Variants in PKHD1 observed in about 807,000 individuals in gnomAD.
PKHD1 encodes the protein fibrocystin.
In PKHD1, 291 loss-of-function variants were observed where a neutral mutation model predicts 412.0. The ratio of observed to expected loss-of-function variants is 0.71; its 90% CI spans 0.64 to 0.78. The LOEUF (loss-of-function observed/expected upper bound fraction) is 0.78. Among genes scored for constraint, PKHD1 ranks in the 30% least tolerant of loss-of-function variants. The probability of loss-of-function intolerance (pLI) is 0.00; values close to 1 mark genes in which losing one functional copy is unlikely to be tolerated. For missense variants in PKHD1, 4,825 were observed against 4,950.7 expected (o/e 0.97, Z 0.76); for synonymous variants, 1,777 against 1,821.5 (o/e 0.98, Z 0.62).
chr6:51,815,244 TAAAA>T (rs1765264366), intron 52 of PKHD1, among the ~76,000 whole-genome samples: 1 of 152,168 alleles, frequency 6.6e-6, no homozygotes, highest in African/African-American at 2.4e-5. Context: ...ATTAGAGATA[TAAAA>T]AGTCAAATAA....
chr6:51,642,009 T>C (rs1450916104), intron 63 of PKHD1, among the ~76,000 whole-genome samples: 1 of 152,080 alleles, frequency 6.6e-6, no homozygotes, highest in Non-Finnish European at 1.5e-5. Context: ...CAAACCTGCA[T>C]GTTCTGCACA....
At chr6:51,717,413 A>G (rs77806792) in intron 60 of PKHD1, among the ~76,000 whole-genome samples, 1 of 82,332 alleles carries the variant, frequency 1.2e-5, no homozygotes, top group Non-Finnish European at 2.2e-5. Context: ...ACTCTGTCTC[A>G]AAAAAAAAAA....
chr6:51,822,979 C>G (rs1766695482), intron 52 of PKHD1, among the ~76,000 whole-genome samples: 1 of 151,694 alleles, frequency 6.6e-6, no homozygotes, highest in African/African-American at 2.4e-5. Flanking sequence ...TTGTTAAGGT[C>G]AAAGTATACT....
chr6:51,769,483 A>C (rs529418684), intron 55 of PKHD1, among the ~76,000 whole-genome samples: 2 of 151,532 alleles, frequency 1.3e-5, no homozygotes, highest in African/African-American at 4.8e-5. Flanking sequence ...ACTATTCTGT[A>C]CTTACATTTG....
In PKHD1 at chr6:52,026,035, C is replaced by T. The variant is rs894304918; in HGVS notation, c.3775G>A (p.Asp1259Asn). ...CETLPAPQIP[D>N]AGAPTVPAAV... ...GCTGGAACAGTGGGAGCGCCCGCAT[C>T]GGGTATCTGGGGGGCTGGCAGGGTT... Residue 1259 changes from aspartate (D) to asparagine (N), a missense_variant, in exon 32 of 67, where the codon GAT becomes AAT. Asp to Asn is a conservative substitution (Grantham distance 23). Coordinates refer to ENST00000371117, the MANE Select transcript of PKHD1 (RefSeq NM_138694.4). 6.8e-6 allele frequency: 11 copies of T among 1,613,972 alleles called. No homozygotes were observed. Among genetic ancestry groups the T allele is most frequent in the African/African-American group, 5.3e-5 (4 of 74,896 alleles).
In PKHD1 at chr6:51,994,095, G is replaced by T. The variant is rs113110947; in HGVS notation, c.5751+16214C>A. Among the ~76,000 whole-genome samples, 698 of 152,082 alleles carry T rather than the reference G, an allele frequency of 4.6e-3. 6 individuals carry two copies. The highest frequency in any genetic ancestry group is 0.016 in the African/African-American group (660 of 41,508). On this transcript the variant is annotated intron_variant, in intron 35 of 66. Transcript: ENST00000371117. ...GGACATCGATAGAATCGAGTCTGCA[G>T]CATTCACCAAACTTACTTCACTACA...
intron 53 of PKHD1, among the ~76,000 whole-genome samples, chr6:51,783,117 T>C (rs543534681): frequency 2.0e-5 from 3 of 152,028 alleles, no homozygotes; most frequent in South Asian, 2.1e-4. Context: ...TGAAAAACAA[T>C]ATGTGACAAG....
chr6:51,809,857 G>A (rs1377793081), intron 52 of PKHD1, among the ~76,000 whole-genome samples: 1 of 144,940 alleles, frequency 6.9e-6, no homozygotes, highest in Admixed American at 6.9e-5. Context: ...TAAATATCTT[G>A]TATTTTTTTT....
intron 53 of PKHD1, among the ~76,000 whole-genome samples, chr6:51,784,940 T>C (rs775891927): frequency 6.6e-5 from 10 of 152,182 alleles, no homozygotes; most frequent in Non-Finnish European, 7.3e-5. Context: ...AACCTGGACC[T>C]CTCATTAATT....
chr6:51,924,077 A>G (rs1185522241), intron 37 of PKHD1, among the ~76,000 whole-genome samples: 1 of 152,218 alleles, frequency 6.6e-6, no homozygotes, highest in Non-Finnish European at 1.5e-5. Flanking sequence ...GCCAGGATCT[A>G]GGTAAAATCC....
At chr6:51,642,092 C>T (rs1769442003) in intron 63 of PKHD1, among the ~76,000 whole-genome samples, 1 of 152,014 alleles carries the variant, frequency 6.6e-6, no homozygotes, top group Admixed American at 6.6e-5. Flanking sequence ...TGGTTTCATG[C>T]CTCATTCACT....
intron 54 of PKHD1, 37 bp downstream of exon 54, chr6:51,775,771 C>T (rs1790917258): frequency 1.1e-6 from 1 of 935,476 alleles, no homozygotes; most frequent in Non-Finnish European, 1.8e-6. Flanking sequence ...CACACACATG[C>T]ATTTTATTTT....
chr6:52,055,836 C>A (rs1807645247), intron 18 of PKHD1, 107 bp from the exon 19 acceptor site: 9 of 1,227,976 alleles, frequency 7.3e-6, no homozygotes, highest in Non-Finnish European at 1.0e-5. Context: ...TTAAGAAAAC[C>A]CCCGTTCTAA....
chr6:52,015,179 C>CATCCTAATTTTTAAAGGTGACTTAGT (rs1419662032), intron 34 of PKHD1, among the ~76,000 whole-genome samples: 3 of 152,312 alleles, frequency 2.0e-5, no homozygotes, highest in Admixed American at 2.0e-4. Flanking sequence ...AAATATTCTA[C>CATCCTAATTTTTAAAGGTGACTTAGT]ATCCTAATTT....
At chr6:51,975,378 T>C (rs1794235855) in intron 35 of PKHD1, among the ~76,000 whole-genome samples, 1 of 151,820 alleles carries the variant, frequency 6.6e-6, no homozygotes, top group Admixed American at 6.6e-5. Flanking sequence ...GGAGAAAATA[T>C]TTGCAAATTA....
intron 52 of PKHD1, among the ~76,000 whole-genome samples, chr6:51,797,742 G>A: frequency 6.6e-6 from 1 of 152,060 alleles, no homozygotes; most frequent in East Asian, 1.9e-4. Flanking sequence ...GATGGGTCTT[G>A]GTTCTTTATC....
At chr6:52,008,059 C>T (rs937921099) in intron 35 of PKHD1, among the ~76,000 whole-genome samples, 2 of 152,210 alleles carry the variant, frequency 1.3e-5, no homozygotes, top group Non-Finnish European at 2.9e-5. Context: ...TTGAGTGTAA[C>T]ACATCACATC....
chr6:51,754,553 GTGTGTGCATGTGTA>G (rs1232178684), intron 56 of PKHD1, among the ~76,000 whole-genome samples: 2 of 152,134 alleles, frequency 1.3e-5, no homozygotes, highest in Non-Finnish European at 1.5e-5. Flanking sequence ...AAAGCAAAAT[GTGTGTGCATGTGTA>G]TGTGTGTATG....
intron 39 of PKHD1, among the ~76,000 whole-genome samples, chr6:51,911,180 T>C (rs1182801199): frequency 3.9e-5 from 6 of 152,172 alleles, no homozygotes; most frequent in Non-Finnish European, 7.4e-5. Context: ...TGACAAATGA[T>C]GTCTTCACAA....
Sources: allele counts gnomAD v4.1 joint callset (sites outside exome capture counted in the v4.1 genomes callset), GRCh38; gene constraint gnomAD v4.1.1; transcripts MANE v1.5; gene names NCBI Gene and HGNC (gene_info 2026-07-23, HGNC 2026-07-21).